ATP8B1: variants seen among roughly 807,000 people sequenced by gnomAD.
ATP8B1 encodes the protein ATPase phospholipid transporting 8B1, also known as phospholipid-transporting ATPase IC.
In ATP8B1, 80 loss-of-function variants were observed where a neutral mutation model predicts 149.9. The ratio of observed to expected loss-of-function variants is 0.53; its 90% CI spans 0.45 to 0.64. ATP8B1 has a LOEUF of 0.64. Among genes scored for constraint, ATP8B1 ranks in the 30% least tolerant of loss-of-function variants. ATP8B1 has a pLI of 0.00. For synonymous variants in ATP8B1, 536 were observed against 562.8 expected (o/e 0.95, Z 0.67); for missense variants, 1,247 against 1,552.6 (o/e 0.80, Z 3.31).
At position 57,669,326 on chromosome 18, in the gene ATP8B1, C is replaced by G. The variant is rs762857853; in HGVS notation, c.2089G>C (p.Asp697His). 3 of 1,599,932 alleles carry G rather than the reference C, an allele frequency of 1.9e-6. No individual in the cohort carries two copies. Among genetic ancestry groups the G allele is most frequent in the Non-Finnish European group, 2.6e-6 (3 of 1,175,508 alleles). Residue 697 changes from aspartate to histidine, a missense_variant, in exon 18 of 28, where the codon GAC (aspartate) becomes CAC (histidine). By Grantham distance (81) the Asp-to-His change is moderately conservative (BLOSUM62 -1). Coordinates refer to ENST00000648908, the MANE Select transcript of ATP8B1 (RefSeq NM_001374385.1). ...LDKVYEEIEKDLILLGATAIE... is the reference protein window; with the variant it reads ...LDKVYEEIEKHLILLGATAIE... ...TTAAGGCTAAAACTCACAATTAAGT[C>G]TTTTTCAATCTCCTCATATACTTTA...
chr18:57,701,648 G>A (rs1475135265), intron 4 of ATP8B1, among the ~76,000 whole-genome samples: 1 of 152,026 alleles, frequency 6.6e-6, no homozygotes, highest in African/African-American at 2.4e-5. Context: ...ATTTAACTGG[G>A]GGTGAGGGGG....
In ATP8B1 at chr18:57,655,145, AT is replaced by A. The variant is rs367878800; in HGVS notation, c.2931+48del. On this transcript the variant is annotated intron_variant, in intron 23 of 27. Coordinates refer to ENST00000648908, the MANE Select transcript of ATP8B1 (RefSeq NM_001374385.1). ...TCTTTTCAGAACTAGATTTTTATTC[AT>A]TTAAGAGCTCTACTTAGTAAATAAC... 100 of 1,510,974 alleles carry A rather than the reference AT, an allele frequency of 6.6e-5. No individual in the cohort carries two copies. In the South Asian group the frequency reaches 1.1e-3, roughly 17 times the overall value. 93.6% of individuals were successfully genotyped at this position (1,510,974 alleles called of 1,614,324 possible).
At chr18:57,653,838 AC>A (rs113535298) in intron 24 of ATP8B1, among the ~76,000 whole-genome samples, 153 bp downstream of exon 24, 16 of 152,074 alleles carry the variant, frequency 1.1e-4, no homozygotes, top group African/African-American at 3.9e-4. Flanking sequence ...AACAAGAAGC[AC>A]AGCCATGACC....
rs72942282 is a variant in ATP8B1, at chr18:57,653,844, A to G, written c.3015+148T>C. 75,106 of 785,468 alleles carry G rather than the reference A, an allele frequency of 0.096. 6,276 individuals carry two copies. Among genetic ancestry groups the G allele is most frequent in the East Asian group, 0.37 (13,693 of 37,080 alleles). The allele number at this position is 785,468 out of a possible 1,614,324, so 48.7% of individuals were successfully genotyped here. A position where few individuals can be genotyped will look rare whatever the true frequency, so the allele number is the denominator to read the frequency against. On this transcript the variant is annotated intron_variant, in intron 24 of 27. Transcript: ENST00000648908. ...TTATTACAAAACAAGAAGCACAGCC[A>G]TGACCCTTGATGCCTGACAACAGAA...
At chr18:57,797,071 T>G (rs894666662) in intron 1 of ATP8B1, among the ~76,000 whole-genome samples, 2 of 152,132 alleles carry the variant, frequency 1.3e-5, no homozygotes, top group Non-Finnish European at 2.9e-5. Flanking sequence ...CACACCACAC[T>G]CTATAAAATA....
At chr18:57,715,086 C>T (rs867720734) in intron 2 of ATP8B1, among the ~76,000 whole-genome samples, 1 of 152,094 alleles carries the variant, frequency 6.6e-6, no homozygotes, top group Non-Finnish European at 1.5e-5. Context: ...ATCAGATAAA[C>T]TTAACAAAGA....
chr18:57,762,574 G>T (rs956105399), intron 1 of ATP8B1, among the ~76,000 whole-genome samples: 1 of 152,174 alleles, frequency 6.6e-6, no homozygotes, highest in African/African-American at 2.4e-5. Flanking sequence ...ATGCCCTCTT[G>T]CATTAAGTCT....
At chr18:57,748,385 G>A (rs2079985143) in intron 1 of ATP8B1, among the ~76,000 whole-genome samples, 1 of 152,206 alleles carries the variant, frequency 6.6e-6, no homozygotes, top group Admixed American at 6.5e-5. Context: ...AACTAGGAGA[G>A]AATCCTGAAA....
intron 1 of ATP8B1, among the ~76,000 whole-genome samples, chr18:57,782,387 C>G (rs1056935616): frequency 6.6e-6 from 1 of 152,220 alleles, no homozygotes; most frequent in African/African-American, 2.4e-5. Flanking sequence ...AGGTTTATAT[C>G]TAGACATTTC....
intron 22 of ATP8B1, among the ~76,000 whole-genome samples, chr18:57,659,078 C>T (rs926192498): frequency 4.6e-5 from 7 of 151,986 alleles, no homozygotes; most frequent in African/African-American, 1.7e-4. Flanking sequence ...GAGTTCAAGA[C>T]CAGCCTGAGC....
rs1402513600 is a variant in ATP8B1 at position 57,652,613 on chromosome 18, C to T, written c.3132G>A (p.Ser1044=). The T allele has an allele frequency of 9.9e-6, 16 of 1,613,990 alleles. No individual in the cohort carries two copies. In the Middle Eastern group the frequency reaches 4.9e-4, roughly 50 times the overall value. The part of the protein sequence containing the change: ...FVSLLHGVLT[S]MILFFIPLGA... ...CAAGAGGTATGAAGAAGAGGATCAT[C>T]GATGTTAGGACCCCATGCAACAAGC... Residue 1044 remains serine (S), a synonymous_variant, in exon 25 of 28, where the codon TCG becomes TCA. Transcript: ENST00000648908.
At chr18:57,798,969 A>G (rs2080546504) in intron 1 of ATP8B1, among the ~76,000 whole-genome samples, 1 of 152,230 alleles carries the variant, frequency 6.6e-6, no homozygotes, top group African/African-American at 2.4e-5. Context: ...AGCCCAGGAG[A>G]AAGGCAATGG....
chr18:57,660,605 G>A (rs374644428), intron 22 of ATP8B1, among the ~76,000 whole-genome samples: 130 of 152,226 alleles, frequency 8.5e-4, no homozygotes, highest in African/African-American at 3.1e-3. Context: ...TGTAACCTCC[G>A]CCTCCTGGGT....
At chr18:57,800,577 A>T (rs2080564390) in intron 1 of ATP8B1, among the ~76,000 whole-genome samples, 1 of 152,242 alleles carries the variant, frequency 6.6e-6, no homozygotes, top group South Asian at 2.1e-4. Context: ...GATACCTGCA[A>T]TAATAGTATT....
At chr18:57,767,191 G>T (rs1030272603) in intron 1 of ATP8B1, among the ~76,000 whole-genome samples, 5 of 152,170 alleles carry the variant, frequency 3.3e-5, no homozygotes, top group African/African-American at 4.8e-5. Context: ...AAGAACTAAG[G>T]TGAGCTCATC....
chr18:57,699,424 A>T (rs1280553516), intron 6 of ATP8B1, among the ~76,000 whole-genome samples: 1 of 152,180 alleles, frequency 6.6e-6, no homozygotes, highest in Non-Finnish European at 1.5e-5. Context: ...AGCCTAGCAG[A>T]GGAGGTTGTT....
At chr18:57,663,412 T>C (rs369847472) in intron 20 of ATP8B1, among the ~76,000 whole-genome samples, 1 of 152,214 alleles carries the variant, frequency 6.6e-6, no homozygotes, top group Non-Finnish European at 1.5e-5. Flanking sequence ...ATGTATCTCT[T>C]TGAGATCCTG....
chr18:57,717,791 A>G (rs1186958563), intron 2 of ATP8B1, among the ~76,000 whole-genome samples: 1 of 151,012 alleles, frequency 6.6e-6, no homozygotes, highest in Non-Finnish European at 1.5e-5. Flanking sequence ...GCTGGAGTGC[A>G]GTGGTGCGAT....
chr18:57,727,045 A>G (rs1184764321), intron 2 of ATP8B1, among the ~76,000 whole-genome samples: 1 of 152,166 alleles, frequency 6.6e-6, no homozygotes, highest in Non-Finnish European at 1.5e-5. Flanking sequence ...ACGCCACTTC[A>G]CTCCAGCCTG....
Sources: gnomAD v4.1 joint callset for allele counts (sites outside exome capture counted in the v4.1 genomes callset) on GRCh38, gnomAD v4.1.1 for gene constraint, MANE v1.5 for transcripts, NCBI Gene and HGNC (gene_info 2026-07-23, HGNC 2026-07-21) for gene names.